SHROOM2: variants seen among roughly 807,000 people sequenced by gnomAD.
SHROOM2 encodes the protein shroom family member 2, also known as protein Shroom2.
Under a neutral mutation model 75.9 loss-of-function variants are expected in SHROOM2, and 33 were observed. That is an observed-to-expected ratio of 0.43 (90% confidence interval 0.33 to 0.58). The LOEUF (loss-of-function observed/expected upper bound fraction) is 0.58, where lower values mean the gene tolerates loss of function less well. Ranked by LOEUF, SHROOM2 falls within the 20% of genes least tolerant of loss-of-function variation. SHROOM2 has a pLI of 0.04. For missense variants in SHROOM2, 1,434 were observed against 1,461.2 expected (o/e 0.98, Z 0.30); for synonymous variants, 655 against 663.6 (o/e 0.99, Z 0.20).
At position 9,912,198 on chromosome X, in the gene SHROOM2, GACACACACACACACACACAC is replaced by G. The variant is rs57939278; in HGVS notation, c.2891+13942_2891+13961del. Among the ~76,000 whole-genome samples, 47 of 16,137 alleles carry G rather than the reference GACACACACACACACACACAC, an allele frequency of 2.9e-3. 1 individual carries two copies. The highest frequency in any genetic ancestry group is 7.9e-3 in the African/African-American group (37 of 4,674). The allele number at this position is 16,137 out of a possible 115,157, so 14.0% of individuals were successfully genotyped here. ...AGCCTTTTGGGGTTTTAAATTACAA[GACACACACACACACACACAC>G]ACACACACACACACACACACACACA... On this transcript the variant is annotated intron_variant, in intron 5 of 9. Transcript: ENST00000380913.
chrX:9,929,276 G>T (rs995955939), intron 5 of SHROOM2, among the ~76,000 whole-genome samples: 1 of 111,440 alleles, frequency 9.0e-6, no homozygotes, highest in Non-Finnish European at 1.9e-5. Context: ...GACTTTGCAA[G>T]GTGGGGGTGG....
At chrX:9,901,471 A>G (rs1289821592) in intron 5 of SHROOM2, among the ~76,000 whole-genome samples, 1 of 112,035 alleles carries the variant, frequency 8.9e-6, no homozygotes, top group Non-Finnish European at 1.9e-5. Context: ...CTTTACGTTC[A>G]TGACAGATGT....
chrX:9,811,986 G>GT (rs770017839), intron 1 of SHROOM2, among the ~76,000 whole-genome samples: 49 of 111,639 alleles, frequency 4.4e-4, no homozygotes, highest in Non-Finnish European at 7.5e-4. Context: ...GAATGCTGCT[G>GT]TGCACACCCA....
At chrX:9,917,052 G>A (rs763933131) in intron 5 of SHROOM2, among the ~76,000 whole-genome samples, 22 of 111,662 alleles carry the variant, frequency 2.0e-4, no homozygotes, top group Non-Finnish European at 3.8e-4. Context: ...AGCTCTGTCA[G>A]CATGAATTCC....
In SHROOM2 at chrX:9,790,927, T is replaced by A. The variant is rs1239440895; in HGVS notation, c.165+4217T>A. Among the ~76,000 whole-genome samples the A allele has an allele frequency of 2.2e-4, 24 of 110,835 alleles. 2 individuals are homozygous for A. In the Admixed American group the frequency reaches 2.2e-3, roughly 10 times the overall value. On this transcript the variant is annotated intron_variant, in intron 1 of 9. Coordinates refer to ENST00000380913, the MANE Select transcript of SHROOM2 (RefSeq NM_001649.4). ...GAGCCTCAAGTCCTATTCCAGGGTC[T>A]GGGAGCTGGAGGCTTTGAGGGTCAG...
At chrX:9,937,082 G>A (rs2084716646) in intron 6 of SHROOM2, 52 bp from the exon 7 acceptor site, 18 of 1,107,006 alleles carry the variant, frequency 1.6e-5, no homozygotes, top group South Asian at 2.1e-5. Context: ...CGTCAATCAG[G>A]GTCTGTGGCT....
chrX:9,827,151 C>T (rs1367920007), intron 1 of SHROOM2, among the ~76,000 whole-genome samples: 1 of 109,540 alleles, frequency 9.1e-6, no homozygotes, highest in Non-Finnish European at 1.9e-5. Flanking sequence ...TTCTAAAGAA[C>T]ACCAGGAGAG....
At chrX:9,934,690 G>A (rs1375022331) in intron 6 of SHROOM2, among the ~76,000 whole-genome samples, 1 of 111,976 alleles carries the variant, frequency 8.9e-6, no homozygotes, top group African/African-American at 3.2e-5. Context: ...TTTTTAAGAA[G>A]AGAGACCATT....
intron 3 of SHROOM2, among the ~76,000 whole-genome samples, 164 bp downstream of exon 3, chrX:9,891,272 C>T (rs1383210310): frequency 8.9e-6 from 1 of 111,849 alleles, no homozygotes; most frequent in Non-Finnish European, 1.9e-5. Flanking sequence ...AAGCGTGTGA[C>T]ACAAAATGAA....
intron 1 of SHROOM2, among the ~76,000 whole-genome samples, chrX:9,788,265 A>G (rs1382642162): frequency 2.1e-5 from 2 of 94,821 alleles, no homozygotes; most frequent in Admixed American, 2.3e-4. Context: ...CTCATTAAAA[A>G]ATAGCTCTTC....
intron 1 of SHROOM2, among the ~76,000 whole-genome samples, chrX:9,835,667 G>C (rs749227426): frequency 1.8e-5 from 2 of 111,823 alleles, no homozygotes; most frequent in Non-Finnish European, 3.8e-5. Context: ...CCTGCCCTAG[G>C]GGGGTACTGG....
chrX:9,900,454 A>G (rs2084359691), intron 5 of SHROOM2, among the ~76,000 whole-genome samples: 1 of 112,394 alleles, frequency 8.9e-6, no homozygotes, highest in Non-Finnish European at 1.9e-5. Context: ...AATAACGTAA[A>G]CATGTCTGTG....
At chrX:9,816,863 T>G (rs754218213) in intron 1 of SHROOM2, among the ~76,000 whole-genome samples, 2 of 111,878 alleles carry the variant, frequency 1.8e-5, no homozygotes, top group Admixed American at 1.9e-4. Flanking sequence ...CAGAAACCCG[T>G]GCTATAGGGG....
At chrX:9,795,458 GT>G (rs2083690360) in intron 1 of SHROOM2, among the ~76,000 whole-genome samples, 1 of 111,771 alleles carries the variant, frequency 8.9e-6, no homozygotes, top group African/African-American at 3.3e-5. Context: ...TACTGATCTT[GT>G]TTCATGATTC....
At chrX:9,925,011 C>T (rs2084581207) in intron 5 of SHROOM2, among the ~76,000 whole-genome samples, 1 of 110,859 alleles carries the variant, frequency 9.0e-6, no homozygotes, top group Non-Finnish European at 1.9e-5. Flanking sequence ...CAGGTGTTCA[C>T]ACTGTTTAAA....
At chrX:9,808,714 T>C (rs781574104) in intron 1 of SHROOM2, among the ~76,000 whole-genome samples, 65 of 109,721 alleles carry the variant, frequency 5.9e-4, no homozygotes, top group South Asian at 3.2e-3. Context: ...ATACAAAAAT[T>C]AGCCAGGCGT....
At chrX:9,839,211 T>C (rs1477502725) in intron 1 of SHROOM2, among the ~76,000 whole-genome samples, 1 of 111,622 alleles carries the variant, frequency 9.0e-6, no homozygotes, top group Admixed American at 9.5e-5. Flanking sequence ...CTATTTTGTA[T>C]GCATTATGTG....
At chrX:9,809,796 G>A (rs2083782150) in intron 1 of SHROOM2, among the ~76,000 whole-genome samples, 2 of 112,063 alleles carry the variant, frequency 1.8e-5, no homozygotes, top group Non-Finnish European at 3.8e-5. Context: ...AGCCTCCCGA[G>A]TAGCTGGGAC....
intron 7 of SHROOM2, among the ~76,000 whole-genome samples, chrX:9,938,751 A>G (rs1201494144): frequency 1.8e-5 from 2 of 111,241 alleles, no homozygotes; most frequent in Non-Finnish European, 3.8e-5. Flanking sequence ...TGGAGTGGGT[A>G]TGACACACAG....
Sources: gnomAD v4.1 joint callset for allele counts (sites outside exome capture counted in the v4.1 genomes callset) on GRCh38, gnomAD v4.1.1 for gene constraint, MANE v1.5 for transcripts, NCBI Gene and HGNC (gene_info 2026-07-23, HGNC 2026-07-21) for gene names.